RABGEF1: variants seen among roughly 807,000 people sequenced by gnomAD.
The protein encoded by RABGEF1 is RAB guanine nucleotide exchange factor 1, also known as rab5 GDP/GTP exchange factor.
In RABGEF1, 26 loss-of-function variants were observed where a neutral mutation model predicts 57.3. The ratio of observed to expected loss-of-function variants is 0.45; its 90% CI spans 0.33 to 0.63. The LOEUF (loss-of-function observed/expected upper bound fraction) is 0.63. RABGEF1 is among the 20% of genes least tolerant of loss of function. RABGEF1 has a pLI of 0.02. For missense variants in RABGEF1, 464 were observed against 607.6 expected (o/e 0.76, Z 2.48); for synonymous variants, 185 against 210.7 (o/e 0.88, Z 1.06).
intron 1 of RABGEF1, among the ~76,000 whole-genome samples, chr7:66,745,208 A>G (rs7789184): frequency 7.9e-5 from 12 of 151,580 alleles, no homozygotes; most frequent in African/African-American, 2.7e-4. Context: ...AAAAAAAATG[A>G]TATCAGTACT....
intron 1 of RABGEF1, among the ~76,000 whole-genome samples, chr7:66,689,148 A>G (rs1257200789): frequency 6.6e-6 from 1 of 152,148 alleles, no homozygotes; most frequent in African/African-American, 2.4e-5. Context: ...TCACCTAACT[A>G]TACACTTTAA....
intron 1 of RABGEF1, among the ~76,000 whole-genome samples, chr7:66,757,256 C>G (rs763545595): frequency 1.3e-5 from 2 of 151,884 alleles, no homozygotes; most frequent in African/African-American, 4.8e-5. Context: ...TGACTGATAT[C>G]TTTTTTATAC....
intron 2 of RABGEF1, among the ~76,000 whole-genome samples, chr7:66,717,730 T>G (rs1275901776): frequency 6.6e-6 from 1 of 152,090 alleles, no homozygotes; most frequent in Non-Finnish European, 1.5e-5. Context: ...CATCTAATTT[T>G]TTTGTATTTT....
intron 4 of RABGEF1, among the ~76,000 whole-genome samples, chr7:66,785,978 G>A (rs1811100877): frequency 1.3e-5 from 2 of 152,050 alleles, no homozygotes; most frequent in South Asian, 4.2e-4. Flanking sequence ...GTATCCTAAG[G>A]GCCTATGCAA....
chr7:66,683,727 C>CTTATTTATTTATTTAT (rs10583686), intron 1 of RABGEF1, among the ~76,000 whole-genome samples: 117 of 149,440 alleles, frequency 7.8e-4, no homozygotes, highest in South Asian at 1.7e-3. Context: ...CAAGGAGGTG[C>CTTATTTATTTATTTAT]TTATTTATTT....
At position 66,759,299 on chromosome 7, in the gene RABGEF1, A is replaced by G. The variant is rs117271318; in HGVS notation, c.-17-12584A>G. Among the ~76,000 whole-genome samples, 211 of 152,354 alleles carry G rather than the reference A, an allele frequency of 1.4e-3. 2 individuals are homozygous for G. Among genetic ancestry groups the G allele is most frequent in the Non-Finnish European group, 2.3e-3 (157 of 68,038 alleles). ...TAGGATTAATAAAGGTTAGTTGTGCATTGAGCAGATTCTACAGGACACCAG... is the reference window on the plus strand; with the variant it reads ...TAGGATTAATAAAGGTTAGTTGTGCGTTGAGCAGATTCTACAGGACACCAG... On this transcript the variant is annotated intron_variant, in intron 1 of 8. Coordinates refer to ENST00000284957, the MANE Select transcript of RABGEF1 (RefSeq NM_014504.3).
At chr7:66,694,423 G>A (rs1426241983) in intron 1 of RABGEF1, among the ~76,000 whole-genome samples, 1 of 152,244 alleles carries the variant, frequency 6.6e-6, no homozygotes, top group Non-Finnish European at 1.5e-5. Flanking sequence ...AACCCGGGGA[G>A]TTGGACGGAA....
intron 1 of RABGEF1, among the ~76,000 whole-genome samples, chr7:66,766,399 C>A (rs765464421): frequency 6.6e-6 from 1 of 151,558 alleles, no homozygotes; most frequent in Non-Finnish European, 1.5e-5. Flanking sequence ...ATGTTAGTAT[C>A]TTTATCTCTT....
Position 66,741,941 on chromosome 7 carries a change from C to T in RABGEF1, c.-18+1149C>T, listed in dbSNP as rs111234762. Among the ~76,000 whole-genome samples, 255 of 151,970 alleles carry T rather than the reference C, an allele frequency of 1.7e-3. 1 individual carries two copies. Among genetic ancestry groups the T allele is most frequent in the African/African-American group, 6.0e-3 (248 of 41,462 alleles). On this transcript the variant is annotated intron_variant, in intron 1 of 8. Coordinates refer to ENST00000284957, the MANE Select transcript of RABGEF1 (RefSeq NM_014504.3). ...CATGACGTCAGGAGCTTGAGACCAT[C>T]CTCCCTAACACGGTGAAACCCCGTC... is the stretch of plus-strand genomic sequence containing the variant.
At chr7:66,764,845 G>A (rs1003136750) in intron 1 of RABGEF1, among the ~76,000 whole-genome samples, 9 of 152,124 alleles carry the variant, frequency 5.9e-5, no homozygotes, top group Non-Finnish European at 1.2e-4. Flanking sequence ...CCAGTACCGC[G>A]CTGTAGTAAT....
chr7:66,741,651 G>T (rs1287734696), intron 1 of RABGEF1, among the ~76,000 whole-genome samples: 1 of 152,150 alleles, frequency 6.6e-6, no homozygotes, highest in East Asian at 1.9e-4. Flanking sequence ...TTGGTTTTTG[G>T]CCTGGAGAGC....
chr7:66,691,267 C>G (rs533508999), intron 1 of RABGEF1, among the ~76,000 whole-genome samples: 5 of 152,102 alleles, frequency 3.3e-5, no homozygotes, highest in African/African-American at 1.2e-4. Flanking sequence ...CTATATATTC[C>G]TAGGCATTTA....
At chr7:66,696,455 C>T (rs1792346060) in intron 1 of RABGEF1, among the ~76,000 whole-genome samples, 3 of 151,846 alleles carry the variant, frequency 2.0e-5, no homozygotes. Flanking sequence ...TTTGAGAGGC[C>T]AAGGGAGGTG....
chr7:66,778,553 T>C, intron 3 of RABGEF1, among the ~76,000 whole-genome samples: 2 of 152,252 alleles, frequency 1.3e-5, no homozygotes, highest in East Asian at 3.8e-4. Flanking sequence ...CTTGTGTACC[T>C]CTTTCATGAA....
chr7:66,691,173 T>C (rs1284449273), intron 1 of RABGEF1, among the ~76,000 whole-genome samples: 4 of 152,216 alleles, frequency 2.6e-5, no homozygotes, highest in Non-Finnish European at 5.9e-5. Context: ...TTGGTGGAAC[T>C]GTAAACTAGT....
intron 7 of RABGEF1, among the ~76,000 whole-genome samples, chr7:66,804,270 A>G (rs1787945685): frequency 6.6e-6 from 1 of 152,160 alleles, no homozygotes; most frequent in African/African-American, 2.4e-5. Flanking sequence ...TCTCACATTC[A>G]ATACAAAGAT....
At chr7:66,792,199 A>G (rs776934045) in intron 4 of RABGEF1, among the ~76,000 whole-genome samples, 1 of 152,132 alleles carries the variant, frequency 6.6e-6, no homozygotes, top group South Asian at 2.1e-4. Context: ...CTGCTCTACT[A>G]TCTTTTTTTC....
intron 1 of RABGEF1, among the ~76,000 whole-genome samples, chr7:66,682,549 G>A (rs1789924418): frequency 1.3e-5 from 2 of 152,180 alleles, no homozygotes; most frequent in Admixed American, 1.3e-4. Context: ...CTTCCTGGCC[G>A]CCTCCCTGTC....
rs73135909 is a variant in RABGEF1, at chr7:66,685,194, C to T, written c.-873+2936C>T. Among the ~76,000 whole-genome samples, 5 of 117,864 alleles carry T rather than the reference C, an allele frequency of 4.2e-5. No homozygotes were observed. In the South Asian group the frequency reaches 8.4e-4, roughly 20 times the overall value. The allele number at this position is 117,864 out of a possible 152,430, so 77.3% of individuals were successfully genotyped here. A position where few individuals can be genotyped will look rare whatever the true frequency, so the allele number is the denominator to read the frequency against. On this transcript the variant is annotated intron_variant and NMD_transcript_variant, in intron 1 of 9. Transcript: ENST00000607882. ...TTTTTGAGATGGAGTCTTGCTCTGT[C>T]GCTGGGCTAGAGTGCAGTGGTTTGA...
Sources: allele counts gnomAD v4.1 joint callset (sites outside exome capture counted in the v4.1 genomes callset), GRCh38; gene constraint gnomAD v4.1.1; transcripts MANE v1.5; gene names NCBI Gene and HGNC (gene_info 2026-07-23, HGNC 2026-07-21).